The following MYO1E variants were observed in gnomAD, a reference collection of about 807,000 sequenced individuals.
MYO1E encodes unconventional myosin-Ie.
In MYO1E, 68 loss-of-function variants were observed where a neutral mutation model predicts 151.1. That is an observed-to-expected ratio of 0.45 (90% confidence interval 0.37 to 0.55). MYO1E has a LOEUF of 0.55. Ranked by LOEUF, MYO1E falls within the 20% of genes least tolerant of loss-of-function variation. The pLI, the probability that MYO1E is intolerant of heterozygous loss-of-function variation, is 0.00. For synonymous variants in MYO1E, 601 were observed against 501.7 expected (o/e 1.20, Z -2.64); for missense variants, 1,363 against 1,389.3 (o/e 0.98, Z 0.30).
At chr15:59,163,070 C>T in intron 23 of MYO1E, 87 bp downstream of exon 23, 1 of 1,498,986 alleles carries the variant, frequency 6.7e-7, no homozygotes, top group South Asian at 1.2e-5. Flanking sequence ...TCGCAGGCCT[C>T]CTCCAGCCCC....
chr15:59,256,263 T>A, intron 4 of MYO1E, 21 bp downstream of exon 4: 1 of 1,551,498 alleles, frequency 6.4e-7, no homozygotes, highest in Non-Finnish European at 8.9e-7. Context: ...CCACGCCCAC[T>A]GATAAGGATC....
At chr15:59,338,006 A>C (rs2080740000) in intron 1 of MYO1E, among the ~76,000 whole-genome samples, 1 of 152,166 alleles carries the variant, frequency 6.6e-6, no homozygotes, top group Non-Finnish European at 1.5e-5. Context: ...TACTCAACTG[A>C]GAAATGTCAG....
chr15:59,320,317 AC>A (rs1365589832), intron 1 of MYO1E, among the ~76,000 whole-genome samples: 2 of 152,226 alleles, frequency 1.3e-5, no homozygotes, highest in Non-Finnish European at 2.9e-5. Context: ...ACTAAAAAAA[AC>A]TATTCCAAAA....
At chr15:59,249,873 A>G (rs1287029000) in intron 4 of MYO1E, among the ~76,000 whole-genome samples, 1 of 152,154 alleles carries the variant, frequency 6.6e-6, no homozygotes, top group Non-Finnish European at 1.5e-5. Flanking sequence ...CAGGGGCTAC[A>G]AACTTGGCCT....
At chr15:59,249,812 G>A (rs1465307012) in intron 4 of MYO1E, among the ~76,000 whole-genome samples, 1 of 152,108 alleles carries the variant, frequency 6.6e-6, no homozygotes, top group African/African-American at 2.4e-5. Flanking sequence ...ATTTTAAAAG[G>A]CACCATTCAA....
At position 59,252,498 on chromosome 15, in the gene MYO1E, T is replaced by C. The variant is rs1314255253; in HGVS notation, c.332+3786A>G. ...GGGAGGCTAAGACAGGCGGATTACC[T>C]GAGGTCAGGAGTTTGAGACCAGCCT... On this transcript the variant is annotated intron_variant, in intron 4 of 27. Transcript: ENST00000288235. Among the ~76,000 whole-genome samples the C allele has an allele frequency of 2.0e-5, 3 of 152,272 alleles. No homozygotes were observed. The East Asian group carries it at 5.8e-4, about 29-fold the overall frequency.
chr15:59,305,859 T>C (rs181065152), intron 1 of MYO1E, among the ~76,000 whole-genome samples: 5 of 152,216 alleles, frequency 3.3e-5, no homozygotes, highest in Admixed American at 1.3e-4. Flanking sequence ...ACATTCAAAA[T>C]TAGGAGGTCT....
intron 17 of MYO1E, among the ~76,000 whole-genome samples, chr15:59,190,476 T>G (rs1418432107): frequency 1.3e-5 from 2 of 152,178 alleles, no homozygotes; most frequent in Non-Finnish European, 2.9e-5. Context: ...CAATTAAGTC[T>G]CATACTTGCG....
intron 24 of MYO1E, 102 bp from the exon 25 acceptor site, chr15:59,158,481 G>C (rs901733387): frequency 1.2e-6 from 1 of 855,580 alleles, no homozygotes; most frequent in African/African-American, 1.7e-5. Context: ...TTGGATTCCA[G>C]CTCTCAGGTG....
At chr15:59,318,035 T>C (rs1211750547) in intron 1 of MYO1E, among the ~76,000 whole-genome samples, 1 of 152,180 alleles carries the variant, frequency 6.6e-6, no homozygotes, top group Non-Finnish European at 1.5e-5. Context: ...CAGAAGAGTT[T>C]AGATCTGCCT....
chr15:59,182,450 T>TGTTTGG (rs1317246158), intron 18 of MYO1E, among the ~76,000 whole-genome samples: 4 of 152,164 alleles, frequency 2.6e-5, no homozygotes, highest in Non-Finnish European at 5.9e-5. Context: ...TGATCTGAGG[T>TGTTTGG]GATCTGCCCA....
At position 59,217,965 on chromosome 15, in the gene MYO1E, C is replaced by T. The variant is rs766518463; in HGVS notation, c.1033G>A (p.Val345Ile). The stretch of plus-strand genomic sequence containing the variant: ...TCCCGGGTGTAACAGGCCTGCTCTA[C>T]GTTGAGGGTCACGTGGATGGATTCG... The part of the protein sequence containing the change: ...KSESIHVTLN[V>I]EQACYTRDAL... Residue 345 changes from valine (V) to isoleucine (I), a missense_variant, in exon 10 of 28, where the codon GTA becomes ATA. Coordinates refer to ENST00000288235, the MANE Select transcript of MYO1E (RefSeq NM_004998.4). 25 of 1,614,090 alleles carry T rather than the reference C, an allele frequency of 1.5e-5. No individual in the cohort carries two copies. The African/African-American group carries it at 2.1e-4, about 14-fold the overall frequency.
At chr15:59,227,386 G>T in intron 7 of MYO1E, 73 bp downstream of exon 7, 1 of 1,576,736 alleles carries the variant, frequency 6.3e-7, no homozygotes, top group Non-Finnish European at 8.7e-7. Context: ...TATAGTCTAT[G>T]CCTGAAGTCT....
At chr15:59,243,492 T>C (rs2080112142) in intron 4 of MYO1E, among the ~76,000 whole-genome samples, 2 of 152,256 alleles carry the variant, frequency 1.3e-5, no homozygotes, top group South Asian at 4.2e-4. Context: ...GGTAAGAAAC[T>C]TGCTGAAGGA....
chr15:59,227,775 C>T (rs2140352555), intron 6 of MYO1E, among the ~76,000 whole-genome samples, 185 bp from the exon 7 acceptor site: 1 of 152,350 alleles, frequency 6.6e-6, no homozygotes, highest in East Asian at 1.9e-4. Context: ...TTTGTCCAGC[C>T]ACACGATTCT....
At chr15:59,262,982 G>A (rs2080232917) in intron 2 of MYO1E, among the ~76,000 whole-genome samples, 2 of 151,826 alleles carry the variant, frequency 1.3e-5, no homozygotes, top group African/African-American at 4.8e-5. Context: ...ATAACTTCTT[G>A]ACTTCATGGA....
chr15:59,208,825 G>T lies in MYO1E; in HGVS notation c.1386C>A (p.Ile462=), dbSNP rs368375873. The T allele has an allele frequency of 9.3e-6, 15 of 1,614,070 alleles. No individual in the cohort carries two copies. The highest frequency in any genetic ancestry group is 1.3e-5 in the Non-Finnish European group (15 of 1,180,028). ...GCATCGTGGCGCACACGTCATCCAG[G>T]ATGCTCATGATGCCAGGAGGGTTCT... ...NKVNPPGIMS[I]LDDVCATMHA... is the part of the protein sequence containing the mutation. Residue 462 remains isoleucine, a synonymous_variant, in exon 14 of 28, where the codon ATC becomes ATA. Coordinates refer to ENST00000288235, the MANE Select transcript of MYO1E (RefSeq NM_004998.4).
At chr15:59,358,693 A>G (rs1456756585) in intron 1 of MYO1E, among the ~76,000 whole-genome samples, 1 of 152,228 alleles carries the variant, frequency 6.6e-6, no homozygotes, top group East Asian at 1.9e-4. Context: ...TTATTTATAT[A>G]AAGTAAAAAC....
At chr15:59,210,657 G>A (rs1474889698) in intron 12 of MYO1E, 57 bp from the exon 13 acceptor site, 15 of 1,251,984 alleles carry the variant, frequency 1.2e-5, no homozygotes, top group East Asian at 6.9e-5. Context: ...AGCTCTGCAC[G>A]GACAGACCCT....
Sources: allele counts gnomAD v4.1 joint callset (sites outside exome capture counted in the v4.1 genomes callset), GRCh38; gene constraint gnomAD v4.1.1; transcripts MANE v1.5; gene names NCBI Gene and HGNC (gene_info 2026-07-23, HGNC 2026-07-21).